The following NLRP6 variants were observed in gnomAD, a reference collection of about 807,000 sequenced individuals.
NLRP6 encodes the protein NLR family pyrin domain containing 6, also known as NACHT, LRR and PYD domains-containing protein 6.
In NLRP6, 55 loss-of-function variants were observed where a neutral mutation model predicts 70.9. That is an observed-to-expected ratio of 0.78 (90% CI 0.62 to 0.97). The LOEUF is 0.97. Ranked by LOEUF, NLRP6 falls within the 50% of genes least tolerant of loss-of-function variation. The pLI, the probability that NLRP6 is intolerant of heterozygous loss-of-function variation, is 0.00. For missense variants in NLRP6, 1,241 were observed against 1,238.3 expected (o/e 1.00, Z -0.03); for synonymous variants, 652 against 581.9 (o/e 1.12, Z -1.73).
intron 6 of NLRP6, 32 bp from the exon 7 acceptor site, chr11:284,443 C>A: frequency 6.2e-7 from 1 of 1,605,624 alleles, no homozygotes. Context: ...CCCCCGCCAC[C>A]CCAGCAGCTC....
In NLRP6 at chr11:280,794, A is replaced by G. The variant is rs1845461998; in HGVS notation, c.1060A>G (p.Lys354Glu). Residue 354 changes from lysine to glutamate, a missense_variant, in exon 4 of 8, where the codon AAG (lysine) becomes GAG (glutamate). Physicochemically the swap from Lys to Glu is moderately conservative, Grantham distance 56. Transcript: ENST00000534750. ...GGTGCGCGGCTTCTCCGACAAGGAC[A>G]AGAAGAAGTATTTCTACAAGTATTT... ...AEVRGFSDKD[K>E]KKYFYKYFRD... 6.2e-7 allele frequency: 1 copy of G among 1,611,390 alleles called. No homozygotes were observed. The highest frequency in any genetic ancestry group is 8.5e-7 in the Non-Finnish European group (1 of 1,179,068).
At chr11:279,271 C>CGG in intron 1 of NLRP6, 56 bp from the exon 2 acceptor site, 3 of 693,312 alleles carry the variant, frequency 4.3e-6, no homozygotes, top group Non-Finnish European at 1.9e-6. Flanking sequence ...GAGTCGGGGG[C>CGG]GGGCGGGGGT....
At position 280,348 on chromosome 11, in the gene NLRP6, G is replaced by C. The variant is rs1289601665; in HGVS notation, c.614G>C (p.Gly205Ala). 3 of 1,524,178 alleles carry C rather than the reference G, an allele frequency of 2.0e-6. No individual in the cohort carries two copies. Among genetic ancestry groups the C allele is most frequent in the Middle Eastern group, 3.4e-4 (2 of 5,886 alleles). The allele number at this position is 1,524,178 out of a possible 1,614,324, so 94.4% of individuals were successfully genotyped here. ...ACCGTGGTGCTGCAGGGCCCGGCGG[G>C]CATCGGCAAGACCATGGCGGCCAAA... ...PLTVVLQGPA[G>A]IGKTMAAKKI... Residue 205 changes from glycine to alanine, a missense_variant, in exon 4 of 8, where the codon GGC (glycine) becomes GCC (alanine). Coordinates refer to ENST00000534750, the MANE Select transcript of NLRP6 (RefSeq NM_001276700.2).
rs1437994706 is a variant in NLRP6, at chr11:278,623, A to C, written c.29+25A>C. 3.2e-6 allele frequency: 5 copies of C among 1,571,094 alleles called. No individual in the cohort carries two copies. The highest frequency in any genetic ancestry group is 4.3e-6 in the Non-Finnish European group (5 of 1,159,670). On this transcript the variant is annotated intron_variant, in intron 1 of 7. Transcript: ENST00000534750. This position sits in a 1 kb window ranked among gnomAD's most constrained non-coding sequence, Gnocchi z 4.7. ...GGTGAGTGCTGGCCCCAGGGTGGTC[A>C]CTGGGAACCGGCTGGTCTCAGCCCT...
At chr11:284,912 T>C (rs1845536794) in intron 7 of NLRP6, among the ~76,000 whole-genome samples, 1 of 152,160 alleles carries the variant, frequency 6.6e-6, no homozygotes, top group South Asian at 2.1e-4. Context: ...GTGGCCCCGA[T>C]ACCCTTTTGC....
chr11:281,340 C>A lies in NLRP6; in HGVS notation c.1606C>A (p.Pro536Thr), dbSNP rs1312225076. 1 of 1,609,424 alleles carries A rather than the reference C, an allele frequency of 6.2e-7. No individual in the cohort carries two copies. Among genetic ancestry groups the A allele is most frequent in the Non-Finnish European group, 8.5e-7 (1 of 1,178,528 alleles). ...GACACTCCTGCGTGGGGACGCCCAG[C>A]CGCACAGCCACTTGGTGCTCACCAC... ...VGTLLRGDAQ[P>T]HSHLVLTTRF... Residue 536 changes from proline (P) to threonine (T), a missense_variant, in exon 4 of 8, where the codon CCG becomes ACG. Physicochemically the swap from Pro to Thr is conservative, Grantham distance 38. Transcript: ENST00000534750.
rs776419883 is a variant in NLRP6 at position 280,301 on chromosome 11, C to T, written c.567C>T (p.Asp189=). 15 of 1,499,184 alleles carry T rather than the reference C, an allele frequency of 1.0e-5. No homozygotes were observed. The African/African-American group carries it at 1.6e-4, about 16-fold the overall frequency. 92.9% of individuals were successfully genotyped at this position (1,499,184 alleles called of 1,614,324 possible). ...THTFNRLFRR[D]EEGRRPLTVV... ...CTTTCAACCGCCTCTTCCGCCGCGA[C>T]GAGGAGGGCCGGCGGCCGCTGACCG... The change falls in exon 4 of 8, where the codon GAC becomes GAT. Residue 189 remains aspartate, a synonymous_variant. Coordinates refer to ENST00000534750, the MANE Select transcript of NLRP6 (RefSeq NM_001276700.2).
rs1845453465 is a variant in NLRP6 at position 280,430 on chromosome 11, C to T, written c.696C>T (p.Ala232=). The change falls in exon 4 of 8, where the codon GCC becomes GCT. Residue 232 remains alanine, a synonymous_variant. Coordinates refer to ENST00000534750, the MANE Select transcript of NLRP6 (RefSeq NM_001276700.2). ...TGTACCAGGGCCAGGTGGACTTCGCCTTCTTCATGCCCTGCGGCGAGCTGC... is the reference window on the plus strand; with the variant it reads ...TGTACCAGGGCCAGGTGGACTTCGCTTTCTTCATGCCCTGCGGCGAGCTGC... The part of the protein sequence containing the change: ...GKLYQGQVDF[A]FFMPCGELLE... 3 of 1,591,076 alleles carry T rather than the reference C, an allele frequency of 1.9e-6. No homozygotes were observed. The highest frequency in any genetic ancestry group is 2.5e-6 in the Non-Finnish European group (3 of 1,177,020).
chr11:278,662 C>G lies in NLRP6; in HGVS notation c.29+64C>G. On this transcript the variant is annotated intron_variant, in intron 1 of 7. Coordinates refer to ENST00000534750, the MANE Select transcript of NLRP6 (RefSeq NM_001276700.2). This position sits in a 1 kb window ranked among gnomAD's most constrained non-coding sequence, Gnocchi z 4.7. ...GGTCTCAGCCCTCTGGGGCCTCCACCTCACCCGCTGACTTCCTCAGGCTCT... is the reference window on the plus strand; with the variant it reads ...GGTCTCAGCCCTCTGGGGCCTCCACGTCACCCGCTGACTTCCTCAGGCTCT... 7.4e-7 allele frequency: 1 copy of G among 1,343,208 alleles called. No homozygotes were observed. The highest frequency in any genetic ancestry group is 1.0e-6 in the Non-Finnish European group (1 of 978,690). 83.2% of individuals were successfully genotyped at this position (1,343,208 alleles called of 1,614,324 possible). A position where few individuals can be genotyped will look rare whatever the true frequency, so the allele number is the denominator to read the frequency against.
At position 279,613 on chromosome 11, in the gene NLRP6, T is replaced by C; in HGVS notation, c.310+6T>C. On this transcript the variant is annotated splice_donor_region_variant and intron_variant, in intron 2 of 7. Coordinates refer to ENST00000534750, the MANE Select transcript of NLRP6 (RefSeq NM_001276700.2). ...CCAGGAGCGGCGGCTGCAGCGTGAG[T>C]TCTGCGCGGGAGGTCCCTCCTGTCT... 1 of 1,394,184 alleles carries C rather than the reference T, an allele frequency of 7.2e-7. No homozygotes were observed. Among genetic ancestry groups the C allele is most frequent in the Non-Finnish European group, 9.3e-7 (1 of 1,078,680 alleles). 86.4% of individuals were successfully genotyped at this position (1,394,184 alleles called of 1,614,324 possible).
At position 280,292 on chromosome 11, in the gene NLRP6, C is replaced by A. The variant is rs1032510571; in HGVS notation, c.558C>A (p.Phe186Leu). 9 of 1,504,240 alleles carry A rather than the reference C, an allele frequency of 6.0e-6. No homozygotes were observed. Among genetic ancestry groups the A allele is most frequent in the Non-Finnish European group, 8.0e-6 (9 of 1,127,262 alleles). The allele number at this position is 1,504,240 out of a possible 1,614,324, so 93.2% of individuals were successfully genotyped here. A position where few individuals can be genotyped will look rare whatever the true frequency, so the allele number is the denominator to read the frequency against. ...ACACGCACACTTTCAACCGCCTCTT[C>A]CGCCGCGACGAGGAGGGCCGGCGGC... ...RSDTHTFNRL[F>L]RRDEEGRRPL... The change falls in exon 4 of 8, where the codon TTC (phenylalanine) becomes TTA (leucine). Residue 186 changes from phenylalanine (F) to leucine (L), a missense_variant. Phe to Leu is a conservative substitution (Grantham distance 22). Coordinates refer to ENST00000534750, the MANE Select transcript of NLRP6 (RefSeq NM_001276700.2).
rs773824659 is a variant in NLRP6, at chr11:281,744, G to T, written c.2010G>T (p.Gln670His). ...GCGTGAGGTGCTGCCCTGCTGGACAGGCACTGCGGCTGATCAGCTGCAGAT... is the reference window on the plus strand; with the variant it reads ...GCGTGAGGTGCTGCCCTGCTGGACATGCACTGCGGCTGATCAGCTGCAGAT... ...SYCVRCCPAG[Q>H]ALRLISCRLV... Residue 670 changes from glutamine to histidine, a missense_variant, in exon 4 of 8, where the codon CAG (glutamine) becomes CAT (histidine). Coordinates refer to ENST00000534750, the MANE Select transcript of NLRP6 (RefSeq NM_001276700.2). The T allele has an allele frequency of 2.5e-6, 4 of 1,612,336 alleles. No homozygotes were observed. Among genetic ancestry groups the T allele is most frequent in the South Asian group, 2.2e-5 (2 of 91,086 alleles).
intron 1 of NLRP6, 73 bp from the exon 2 acceptor site, chr11:279,254 G>A (rs377177278): frequency 3.4e-6 from 4 of 1,187,188 alleles, no homozygotes; most frequent in Non-Finnish European, 4.2e-6. Flanking sequence ...TGGGTTCTCC[G>A]GCGCCAGAGT....
chr11:281,392 C>T lies in NLRP6; in HGVS notation c.1658C>T (p.Ala553Val), dbSNP rs768718363. ...TTRFLFGLLS[A>V]ERMRDIERHF... ...CGCTTCCTCTTCGGACTGCTGAGCGCGGAGCGGATGCGCGACATCGAGCGC... is the reference window on the plus strand; with the variant it reads ...CGCTTCCTCTTCGGACTGCTGAGCGTGGAGCGGATGCGCGACATCGAGCGC... Residue 553 changes from alanine (A) to valine (V), a missense_variant, in exon 4 of 8, where the codon GCG (alanine) becomes GTG (valine). Ala to Val is a moderately conservative substitution (Grantham distance 64, BLOSUM62 0). Transcript: ENST00000534750. 2.5e-6 allele frequency: 4 copies of T among 1,609,654 alleles called. No homozygotes were observed. The African/African-American group carries it at 4.0e-5, about 16-fold the overall frequency.
In NLRP6 at chr11:281,763, T is replaced by G. The variant is rs1308035413; in HGVS notation, c.2029T>G (p.Cys677Gly). Residue 677 changes from cysteine to glycine, a missense_variant, in exon 4 of 8, where the codon TGC becomes GGC. Cys to Gly is a radical substitution (Grantham distance 159). Transcript: ENST00000534750. Reference sequence around the variant, plus strand: ...TGGACAGGCACTGCGGCTGATCAGCTGCAGATTGGTTGCTGCGCAGGAGAA... The same window carrying G: ...TGGACAGGCACTGCGGCTGATCAGCGGCAGATTGGTTGCTGCGCAGGAGAA... ...PAGQALRLISCRLVAAQEKKK... is the reference protein window; with the variant it reads ...PAGQALRLISGRLVAAQEKKK... 1.2e-6 allele frequency: 2 copies of G among 1,610,318 alleles called. No homozygotes were observed. The highest frequency in any genetic ancestry group is 1.7e-6 in the Non-Finnish European group (2 of 1,179,266).
Position 279,848 on chromosome 11 carries a change from T to C in NLRP6, c.325T>C (p.Ser109Pro), listed in dbSNP as rs1447518547. Residue 109 changes from serine to proline, a missense_variant, in exon 3 of 8, where the codon TCC (serine) becomes CCC (proline). Coordinates refer to ENST00000534750, the MANE Select transcript of NLRP6 (RefSeq NM_001276700.2). ...ERRLQRLGLG[S>P]GTLLSVSEYK... ...TTCCCTTCCAGGGCTCGGGCTCGGC[T>C]CCGGGACGCTGCTCTCCGTGTCCGG... is the stretch of plus-strand genomic sequence containing the variant. 1.3e-6 allele frequency: 2 copies of C among 1,564,754 alleles called. No individual in the cohort carries two copies. The highest frequency in any genetic ancestry group is 1.7e-6 in the Non-Finnish European group (2 of 1,159,344).
chr11:280,466 G>A lies in NLRP6; in HGVS notation c.732G>A (p.Pro244=). ...FMPCGELLER[P]GTRSLADLIL... is the part of the protein sequence containing the mutation. Reference sequence around the variant, plus strand: ...CCTGCGGCGAGCTGCTGGAGAGGCCGGGCACGCGCAGCCTGGCTGACCTGA... The same window carrying A: ...CCTGCGGCGAGCTGCTGGAGAGGCCAGGCACGCGCAGCCTGGCTGACCTGA... The change falls in exon 4 of 8, where the codon CCG becomes CCA. Residue 244 remains proline, a synonymous_variant. Transcript: ENST00000534750. The A allele has an allele frequency of 6.3e-7, 1 of 1,592,246 alleles. No homozygotes were observed. The highest frequency in any genetic ancestry group is 1.1e-5 in the South Asian group (1 of 90,384).
At chr11:282,424 T>G (rs932441981) in intron 4 of NLRP6, among the ~76,000 whole-genome samples, 1 of 152,086 alleles carries the variant, frequency 6.6e-6, no homozygotes, top group South Asian at 2.1e-4. Context: ...AATGTCACGG[T>G]GTTGGCAGGG....
rs547442280 is a variant in NLRP6, at chr11:278,659, C to T, written c.29+61C>T. ...GCTGGTCTCAGCCCTCTGGGGCCTC[C>T]ACCTCACCCGCTGACTTCCTCAGGC... is the stretch of plus-strand genomic sequence containing the variant. On this transcript the variant is annotated intron_variant, in intron 1 of 7. Transcript: ENST00000534750. The surrounding 1 kb of genome is among the most constrained non-coding windows in gnomAD (Gnocchi z 4.7). 20 of 1,367,786 alleles carry T rather than the reference C, an allele frequency of 1.5e-5. No homozygotes were observed. The South Asian group carries it at 2.5e-4, about 17-fold the overall frequency. The allele number at this position is 1,367,786 out of a possible 1,614,324, so 84.7% of individuals were successfully genotyped here. A position where few individuals can be genotyped will look rare whatever the true frequency, so the allele number is the denominator to read the frequency against.
Sources: allele counts gnomAD v4.1 joint callset (sites outside exome capture counted in the v4.1 genomes callset), GRCh38; gene constraint gnomAD v4.1.1; non-coding constraint Gnocchi (gnomAD v3.1); transcripts MANE v1.5; gene names NCBI Gene and HGNC (gene_info 2026-07-23, HGNC 2026-07-21).